OGG1: variants seen among roughly 807,000 people sequenced by gnomAD.
The protein encoded by OGG1 is N-glycosylase/DNA lyase.
OGG1 carries 35 observed loss-of-function variants against 42.3 expected under a neutral mutation model. The observed-to-expected ratio is 0.83, with a 90% CI of 0.63 to 1.10. The LOEUF (loss-of-function observed/expected upper bound fraction) is 1.10. Among genes scored for constraint, OGG1 ranks in the 50% least tolerant of loss-of-function variants. The pLI is 0.00. For missense variants in OGG1, 484 were observed against 446.7 expected (o/e 1.08, Z -0.75); for synonymous variants, 189 against 179.0 (o/e 1.06, Z -0.44).
chr3:9,787,267 G>A, intron 3 of OGG1: 1 of 1,614,178 alleles, frequency 6.2e-7, no homozygotes, highest in Non-Finnish European at 8.5e-7. Flanking sequence ...CGCTGCCCGG[G>A]CCCCATCCTT....
chr3:9,757,807 T>G, downstream of OGG1: 1 of 1,613,520 alleles, frequency 6.2e-7, no homozygotes, highest in Non-Finnish European at 8.5e-7. This position sits in a 1 kb window ranked among gnomAD's most constrained non-coding sequence, Gnocchi z 4.5. Flanking sequence ...AGCTGCAGTT[T>G]CCTCATGTGC....
intron 7 of OGG1, chr3:9,763,134 C>T (rs776106398): frequency 5.6e-6 from 9 of 1,614,034 alleles, no homozygotes; most frequent in African/African-American, 4.0e-5. Flanking sequence ...GGTTGGGCCA[C>T]TCACAGCTGC....
intron 3 of OGG1, among the ~76,000 whole-genome samples, chr3:9,754,305 A>G (rs1383288077): frequency 2.0e-5 from 3 of 152,256 alleles, no homozygotes; most frequent in East Asian, 3.8e-4. Context: ...AAAAGTAAGC[A>G]TGATAATATA....
downstream of OGG1, chr3:9,757,757 A>G (rs1309539227): frequency 4.3e-6 from 7 of 1,614,020 alleles, no homozygotes; most frequent in South Asian, 1.1e-5. The surrounding 1 kb of genome is among the most constrained non-coding windows in gnomAD (Gnocchi z 4.5). Flanking sequence ...GCAGCTCCCC[A>G]TGGCTCGCCG....
At chr3:9,763,001 C>T (rs556978311) in intron 7 of OGG1, 21 of 1,614,124 alleles carry the variant, frequency 1.3e-5, no homozygotes, top group South Asian at 8.8e-5. Flanking sequence ...CGTCCCGCTC[C>T]GTGTAGAAGC....
chr3:9,761,623 C>T (rs573587111), downstream of OGG1: 2 of 1,614,136 alleles, frequency 1.2e-6, no homozygotes, highest in African/African-American at 1.3e-5. Context: ...GCCCAGGGCC[C>T]TCCGCACCCA....
At chr3:9,754,601 C>T (rs1252158601) in intron 3 of OGG1, 103 bp from the exon 4 acceptor site, 3 of 1,307,966 alleles carry the variant, frequency 2.3e-6, no homozygotes, top group East Asian at 2.5e-5. Flanking sequence ...AGGAGGGGAA[C>T]TTAGGAAAAG....
At chr3:9,785,495 C>T (rs1221012970) in intron 3 of OGG1, 16 of 1,045,220 alleles carry the variant, frequency 1.5e-5, no homozygotes, top group Middle Eastern at 2.0e-4. Flanking sequence ...CTGACCTACA[C>T]TGACAGTCTT....
intron 2 of OGG1, among the ~76,000 whole-genome samples, chr3:9,772,316 C>T (rs960583761): frequency 2.0e-5 from 3 of 152,326 alleles, no homozygotes; most frequent in African/African-American, 4.8e-5. Flanking sequence ...GAGATTCTTT[C>T]GCTTCCCAAG....
chr3:9,776,383 CTT>C, intron 2 of OGG1, among the ~76,000 whole-genome samples: 1 of 138,240 alleles, frequency 7.2e-6, no homozygotes, highest in Admixed American at 7.4e-5. Flanking sequence ...TTTCTTTTTT[CTT>C]TTCTTTTTTT....
downstream of OGG1, chr3:9,767,758 G>T: frequency 6.2e-7 from 1 of 1,613,744 alleles, no homozygotes. Flanking sequence ...ATGGCCCACT[G>T]CCCCCCGACC....
At chr3:9,790,652 T>C (rs2078707078), downstream of OGG1, among the ~76,000 whole-genome samples, 1 of 152,196 alleles carries the variant, frequency 6.6e-6, no homozygotes, top group African/African-American at 2.4e-5. Flanking sequence ...GAGTAGCAAA[T>C]AAATAACATC....
At chr3:9,760,800 C>A, downstream of OGG1, 2 of 1,613,080 alleles carry the variant, frequency 1.2e-6, no homozygotes, top group Non-Finnish European at 1.7e-6. Flanking sequence ...CTCATTTCCA[C>A]TTTCGGGTGC....
At chr3:9,757,637 G>A (rs745694636), downstream of OGG1, 11 of 1,614,032 alleles carry the variant, frequency 6.8e-6, no homozygotes, top group Non-Finnish European at 8.5e-6. This position sits in a 1 kb window ranked among gnomAD's most constrained non-coding sequence, Gnocchi z 4.5. Flanking sequence ...TGGGAAGACA[G>A]AACAGAGGTG....
downstream of OGG1, among the ~76,000 whole-genome samples, chr3:9,771,152 C>T (rs1318786308): frequency 6.6e-6 from 1 of 151,944 alleles, no homozygotes; most frequent in Admixed American, 6.6e-5. Flanking sequence ...CTCAGCCTCC[C>T]ATGTAGATGG....
intron 3 of OGG1, among the ~76,000 whole-genome samples, chr3:9,753,008 A>T (rs1054662407): frequency 6.6e-6 from 1 of 151,886 alleles, no homozygotes. Context: ...AGATCAGACC[A>T]CAGCACTCCA....
intron 3 of OGG1, chr3:9,785,461 G>T: frequency 7.0e-7 from 1 of 1,430,600 alleles, no homozygotes; most frequent in Non-Finnish European, 9.8e-7. Flanking sequence ...AGGAAAAATA[G>T]CTGTTCCACT....
At chr3:9,759,526 C>T (rs747307663), downstream of OGG1, 2 of 1,614,178 alleles carry the variant, frequency 1.2e-6, no homozygotes, top group South Asian at 1.1e-5. Flanking sequence ...TTGATCTGCT[C>T]ACTCACCGAC....
At chr3:9,759,043 GC>G, downstream of OGG1, 1 of 749,670 alleles carries the variant, frequency 1.3e-6, no homozygotes, top group Non-Finnish European at 2.4e-6. Context: ...AAGAGGCCTG[GC>G]CCCTTACCTG....
Sources: allele counts gnomAD v4.1 joint callset (sites outside exome capture counted in the v4.1 genomes callset), GRCh38; gene constraint gnomAD v4.1.1; non-coding constraint Gnocchi (gnomAD v3.1); transcripts MANE v1.5; gene names NCBI Gene and HGNC (gene_info 2026-07-23, HGNC 2026-07-21).